The following CHCHD6 variants were observed in gnomAD, a reference collection of about 807,000 sequenced individuals.
CHCHD6 encodes the protein coiled-coil-helix-coiled-coil-helix domain containing 6.
A neutral mutation model predicts 32.3 loss-of-function variants in CHCHD6; 28 were observed. That is an observed-to-expected ratio of 0.87 (90% CI 0.64 to 1.19). The LOEUF (loss-of-function observed/expected upper bound fraction) is 1.19, where lower values mean the gene tolerates loss of function less well. Ranked by LOEUF, CHCHD6 falls within the 50% of genes most tolerant of loss-of-function variation. The pLI is 0.00. For missense variants in CHCHD6, 333 were observed against 307.0 expected (o/e 1.08, Z -0.63); for synonymous variants, 122 against 117.5 (o/e 1.04, Z -0.25).
At chr3:126,812,514 C>T (rs1466314373) in intron 4 of CHCHD6, among the ~76,000 whole-genome samples, 1 of 151,818 alleles carries the variant, frequency 6.6e-6, no homozygotes, top group East Asian at 1.9e-4. Flanking sequence ...ACCTCCGCCT[C>T]CTGGGTTCAA....
intron 4 of CHCHD6, among the ~76,000 whole-genome samples, chr3:126,759,491 C>G (rs1937084651): frequency 6.6e-6 from 1 of 152,148 alleles, no homozygotes; most frequent in Non-Finnish European, 1.5e-5. Context: ...TGCTGTGTCT[C>G]TTGTGTGCTT....
intron 4 of CHCHD6, among the ~76,000 whole-genome samples, chr3:126,779,974 A>C (rs1191979795): frequency 6.6e-6 from 1 of 152,218 alleles, no homozygotes; most frequent in Non-Finnish European, 1.5e-5. Flanking sequence ...AGACTTAATC[A>C]ATGAAAATGT....
At chr3:126,905,509 T>G (rs1038512725) in intron 5 of CHCHD6, among the ~76,000 whole-genome samples, 1 of 150,480 alleles carries the variant, frequency 6.6e-6, no homozygotes, top group Admixed American at 6.6e-5. Context: ...GATTGTTTAC[T>G]AGAGAGGGCC....
intron 4 of CHCHD6, among the ~76,000 whole-genome samples, chr3:126,787,560 C>A: frequency 6.6e-6 from 1 of 152,094 alleles, no homozygotes; most frequent in East Asian, 1.9e-4. Flanking sequence ...AAGTTGGATT[C>A]CTAGGTATTT....
Position 126,927,068 on chromosome 3 carries a change from A to G in CHCHD6, c.566+12318A>G, listed in dbSNP as rs544325470. Among the ~76,000 whole-genome samples the G allele has an allele frequency of 4.1e-3, 630 of 152,264 alleles. 1 individual carries two copies. Among genetic ancestry groups the G allele is most frequent in the African/African-American group, 0.013 (527 of 41,542 alleles). On this transcript the variant is annotated intron_variant, in intron 6 of 7. Transcript: ENST00000290913. ...CCAGGACTCTGTCCATCTGAGGATC[A>G]GGGTGATCTCTGACATTCAAGCAGA...
chr3:126,930,669 A>G (rs761478559), intron 6 of CHCHD6, among the ~76,000 whole-genome samples: 6 of 152,194 alleles, frequency 3.9e-5, no homozygotes, highest in Non-Finnish European at 8.8e-5. Flanking sequence ...TCTAAGCCTC[A>G]GTTTTCTCTT....
At chr3:126,881,247 T>A (rs906975304) in intron 5 of CHCHD6, among the ~76,000 whole-genome samples, 1 of 152,248 alleles carries the variant, frequency 6.6e-6, no homozygotes, top group Non-Finnish European at 1.5e-5. Flanking sequence ...GGGTAGAGCC[T>A]GTTTCCTTCC....
At chr3:126,883,901 T>A (rs927295571) in intron 5 of CHCHD6, among the ~76,000 whole-genome samples, 1 of 152,242 alleles carries the variant, frequency 6.6e-6, no homozygotes, top group Non-Finnish European at 1.5e-5. Flanking sequence ...TTTTCTCAGT[T>A]CTTGTGACAT....
At chr3:126,907,926 C>T (rs890692892) in intron 5 of CHCHD6, among the ~76,000 whole-genome samples, 1 of 152,178 alleles carries the variant, frequency 6.6e-6, no homozygotes, top group African/African-American at 2.4e-5. Flanking sequence ...TGTGGAAAGC[C>T]ACCAGGCCTG....
At chr3:126,928,249 G>A (rs959140087) in intron 6 of CHCHD6, among the ~76,000 whole-genome samples, 4 of 152,340 alleles carry the variant, frequency 2.6e-5, no homozygotes, top group Middle Eastern at 6.8e-3. Context: ...TTTCTTCTGC[G>A]GCATTGTGTA....
intron 4 of CHCHD6, among the ~76,000 whole-genome samples, chr3:126,803,477 C>A (rs944480579): frequency 6.6e-6 from 1 of 152,124 alleles, no homozygotes; most frequent in Admixed American, 6.5e-5. Flanking sequence ...AAGGCCATTA[C>A]ATAGTGGTAA....
chr3:126,916,519 G>A (rs766987120), intron 6 of CHCHD6, among the ~76,000 whole-genome samples: 8 of 152,166 alleles, frequency 5.3e-5, no homozygotes, highest in Non-Finnish European at 1.2e-4. Context: ...CAGGTGTTGA[G>A]GTAGAAGCCC....
At chr3:126,887,474 C>T (rs893508207) in intron 5 of CHCHD6, among the ~76,000 whole-genome samples, 3 of 152,040 alleles carry the variant, frequency 2.0e-5, no homozygotes, top group Non-Finnish European at 2.9e-5. Flanking sequence ...AGTGGAGGCT[C>T]GTGTGGGAAG....
intron 6 of CHCHD6, among the ~76,000 whole-genome samples, chr3:126,935,721 G>A (rs141730892): frequency 3.9e-4 from 60 of 152,312 alleles, no homozygotes; most frequent in Non-Finnish European, 8.2e-4. Flanking sequence ...CAATTTCCAC[G>A]CAGTAAAAGT....
At chr3:126,712,169 G>C (rs1934778213) in intron 1 of CHCHD6, among the ~76,000 whole-genome samples, 1 of 152,200 alleles carries the variant, frequency 6.6e-6, no homozygotes, top group South Asian at 2.1e-4. Flanking sequence ...TGGTGGTTCT[G>C]AAACTCACTG....
intron 6 of CHCHD6, among the ~76,000 whole-genome samples, chr3:126,956,022 T>A (rs2078778789): frequency 6.6e-6 from 1 of 152,084 alleles, no homozygotes. Context: ...AAATATGGGG[T>A]CCTGTTCCCA....
Position 126,914,898 on chromosome 3 carries a change from C to A in CHCHD6, c.566+148C>A, listed in dbSNP as rs141434115. ...TGTTCCTCAGCTCTCTCACCTGGAT[C>A]TGAGGTAGCCATTGGTCATCTGTAA... On this transcript the variant is annotated intron_variant, in intron 6 of 7. Transcript: ENST00000290913. The A allele has an allele frequency of 4.2e-5, 27 of 648,280 alleles. 1 individual carries two copies. The Middle Eastern group carries it at 1.0e-3, about 24-fold the overall frequency. 40.2% of individuals were successfully genotyped at this position (648,280 alleles called of 1,614,324 possible).
At chr3:126,776,968 CA>C (rs1307194030) in intron 4 of CHCHD6, among the ~76,000 whole-genome samples, 5 of 152,140 alleles carry the variant, frequency 3.3e-5, no homozygotes, top group Non-Finnish European at 5.9e-5. Context: ...CCTCTAGTTT[CA>C]GGGTCTTCCT....
intron 6 of CHCHD6, among the ~76,000 whole-genome samples, chr3:126,954,767 T>C (rs769905337): frequency 6.6e-6 from 1 of 152,184 alleles, no homozygotes; most frequent in Non-Finnish European, 1.5e-5. Context: ...CTCTGGGGTC[T>C]CAGACTCTAG....
Sources: allele counts gnomAD v4.1 joint callset (sites outside exome capture counted in the v4.1 genomes callset), GRCh38; gene constraint gnomAD v4.1.1; transcripts MANE v1.5; gene names NCBI Gene and HGNC (gene_info 2026-07-23, HGNC 2026-07-21).